Variants in PTK2 observed in about 807,000 individuals in gnomAD.
PTK2 encodes protein tyrosine kinase 2.
Under a neutral mutation model 150.1 loss-of-function variants are expected in PTK2, and 45 were observed. The observed-to-expected ratio is 0.30, with a 90% confidence interval of 0.24 to 0.38. PTK2 has a LOEUF of 0.38. Among genes scored for constraint, PTK2 ranks in the 10% least tolerant of loss-of-function variants. PTK2 has a pLI of 1.00. For missense variants in PTK2, 919 were observed against 1,307.3 expected, an observed-to-expected ratio of 0.70 and a Z score of 4.58; for synonymous variants, 432 against 449.2, an observed-to-expected ratio of 0.96 and a Z score of 0.48.
At position 140,929,800 on chromosome 8, in the gene PTK2, G is replaced by C. The variant is rs1486083392; in HGVS notation, c.-121-4051C>G. 2.6e-5 allele frequency among the ~76,000 whole-genome samples: 4 copies of C among 151,644 alleles called. No individual in the cohort carries two copies. In the East Asian group the frequency reaches 7.7e-4, roughly 29 times the overall value. Reference sequence around the variant, plus strand: ...CTCTCCATAACTTAGTTTCTCGTCGGTTAAATAAAGTTTAAAATGGTATGT... The same window carrying C: ...CTCTCCATAACTTAGTTTCTCGTCGCTTAAATAAAGTTTAAAATGGTATGT... On this transcript the variant is annotated intron_variant, in intron 1 of 31. Coordinates refer to ENST00000522684, the Ensembl canonical transcript of PTK2.
intron 1 of PTK2, among the ~76,000 whole-genome samples, chr8:140,999,911 C>A (rs2100199323): frequency 6.6e-6 from 1 of 151,844 alleles, no homozygotes; most frequent in Non-Finnish European, 1.5e-5. Context: ...GAATGTATAA[C>A]CAGTTCCCAT....
At chr8:140,940,939 C>T (rs966738402) in intron 1 of PTK2, among the ~76,000 whole-genome samples, 1 of 152,004 alleles carries the variant, frequency 6.6e-6, no homozygotes, top group Non-Finnish European at 1.5e-5. Context: ...CATTGCATTC[C>T]AGCCTGGGTG....
At chr8:140,733,345 T>C (rs764068286) in intron 22 of PTK2, among the ~76,000 whole-genome samples, 54 of 152,236 alleles carry the variant, frequency 3.5e-4, no homozygotes, top group Non-Finnish European at 5.9e-4. Context: ...ACCAGAACTA[T>C]AGACAGACAG....
At position 140,782,574 on chromosome 8, in the gene PTK2, C is replaced by T. The variant is rs182799210; in HGVS notation, c.1177+6900G>A. Among the ~76,000 whole-genome samples the T allele has an allele frequency of 8.6e-4, 131 of 151,774 alleles. 1 individual carries two copies. The South Asian group carries it at 0.014, about 16-fold the overall frequency. Reference sequence around the variant, plus strand: ...TTACTTTTTAATTTTTTCAGTGTCCCGTAGATTTGGTAGGGAAAAAAATGA... The same window carrying T: ...TTACTTTTTAATTTTTTCAGTGTCCTGTAGATTTGGTAGGGAAAAAAATGA... On this transcript the variant is annotated intron_variant, in intron 14 of 31. Coordinates refer to ENST00000522684, the Ensembl canonical transcript of PTK2.
At chr8:140,850,434 AACT>A (rs887708362) in intron 5 of PTK2, among the ~76,000 whole-genome samples, 8 of 150,220 alleles carry the variant, frequency 5.3e-5, no homozygotes, top group East Asian at 2.0e-4. Context: ...CTCAAAAAAA[AACT>A]ACGACGGGCC....
intron 16 of PTK2, among the ~76,000 whole-genome samples, chr8:140,755,402 C>T (rs1394135764): frequency 1.3e-5 from 2 of 152,292 alleles, no homozygotes; most frequent in East Asian, 3.9e-4. Flanking sequence ...CTTTTGCCTT[C>T]CCTTTGTTTC....
rs186581317 is a variant in PTK2 at position 140,888,344 on chromosome 8, T to C, written c.195+2199A>G. Reference sequence around the variant, plus strand: ...CAATGGAAGTTGGTTATGAATAATATCCAATCTTCCATTACAGTGACTCAG... The same window carrying C: ...CAATGGAAGTTGGTTATGAATAATACCCAATCTTCCATTACAGTGACTCAG... On this transcript the variant is annotated intron_variant, in intron 3 of 31. Transcript: ENST00000522684. Among the ~76,000 whole-genome samples, 14 of 152,344 alleles carry C rather than the reference T, an allele frequency of 9.2e-5. No individual in the cohort carries two copies. In the East Asian group the frequency reaches 2.7e-3, roughly 29 times the overall value.
intron 5 of PTK2, among the ~76,000 whole-genome samples, chr8:140,852,346 T>A (rs1400263383): frequency 1.3e-5 from 2 of 152,166 alleles, no homozygotes; most frequent in Non-Finnish European, 2.9e-5. Context: ...CAACAGGGAT[T>A]TTCTTTGTGT....
chr8:140,887,929 C>T (rs1468843020), intron 3 of PTK2, among the ~76,000 whole-genome samples: 2 of 152,092 alleles, frequency 1.3e-5, no homozygotes, highest in Non-Finnish European at 2.9e-5. Context: ...TAATGGGCAA[C>T]GTAGCTATAA....
At chr8:140,841,262 A>C (rs2100122179) in intron 7 of PTK2, among the ~76,000 whole-genome samples, 1 of 152,156 alleles carries the variant, frequency 6.6e-6, no homozygotes, top group African/African-American at 2.4e-5. Context: ...ACAGATGCTC[A>C]CTGAACAAGT....
chr8:140,724,443 T>G (rs1006833437), intron 22 of PTK2, among the ~76,000 whole-genome samples: 9 of 152,206 alleles, frequency 5.9e-5, no homozygotes, highest in Admixed American at 3.3e-4. Context: ...TCCTTTTAAA[T>G]GTAATAAATA....
chr8:140,704,717 C>T (rs2100032688), intron 24 of PTK2, among the ~76,000 whole-genome samples: 1 of 152,092 alleles, frequency 6.6e-6, no homozygotes, highest in African/African-American at 2.4e-5. Context: ...GGTGGGGTTT[C>T]TTTCTTTAGG....
At chr8:140,938,516 C>G (rs2100174511) in intron 1 of PTK2, among the ~76,000 whole-genome samples, 1 of 152,172 alleles carries the variant, frequency 6.6e-6, no homozygotes, top group South Asian at 2.1e-4. Flanking sequence ...AATAAATGCT[C>G]TAGACTGATC....
At chr8:140,800,653 G>C in intron 11 of PTK2, 77 bp from the exon 12 acceptor site, 1 of 1,096,866 alleles carries the variant, frequency 9.1e-7, no homozygotes, top group Non-Finnish European at 1.4e-6. Context: ...TATGACATCA[G>C]ACATCTCTAT....
intron 26 of PTK2, among the ~76,000 whole-genome samples, chr8:140,692,697 T>C (rs1416045755): frequency 6.6e-6 from 1 of 151,982 alleles, no homozygotes; most frequent in Non-Finnish European, 1.5e-5. Context: ...TGGGTATGGC[T>C]CTAGAAAACT....
chr8:140,954,872 A>T (rs2100180716), intron 1 of PTK2: 2 of 152,058 alleles, frequency 1.3e-5, no homozygotes, highest in Non-Finnish European at 2.9e-5. Flanking sequence ...AACCACCATT[A>T]TTTCACTAGT....
At chr8:140,835,979 C>G (rs1025984279) in intron 7 of PTK2, among the ~76,000 whole-genome samples, 3 of 152,080 alleles carry the variant, frequency 2.0e-5, no homozygotes, top group Admixed American at 1.3e-4. Flanking sequence ...GAATGGCATC[C>G]TGTCCAAGGC....
At chr8:140,668,143 A>C in intron 30 of PTK2, 126 bp downstream of exon 34, 9 of 1,083,250 alleles carry the variant, frequency 8.3e-6, no homozygotes, top group Non-Finnish European at 1.1e-5. Flanking sequence ...GCTTTCGTGA[A>C]GAGCTTCTAA....
chr8:140,765,335 A>G (rs892950469), intron 14 of PTK2: 3 of 152,236 alleles, frequency 2.0e-5, no homozygotes, highest in African/African-American at 4.8e-5. Flanking sequence ...TTAAAGGTAC[A>G]GAATTCAAAG....
Sources: gnomAD v4.1 joint callset for allele counts (sites outside exome capture counted in the v4.1 genomes callset) on GRCh38, gnomAD v4.1.1 for gene constraint, MANE v1.5 for transcripts, NCBI Gene and HGNC (gene_info 2026-07-23, HGNC 2026-07-21) for gene names.